Variants in HMGB1 observed in about 807,000 individuals in gnomAD.
HMGB1 encodes high mobility group protein B1.
For missense variants in HMGB1, 79 were observed against 253.5 expected (o/e 0.31, Z 4.67); for synonymous variants, 81 against 84.0 (o/e 0.96, Z 0.19).
rs1456733742 is a variant in HMGB1 at position 30,463,687 on chromosome 13, T to C, written c.-7A>G. ...TAGGATCTCCTTTGCCCATGTTTAGTTATTTTTCTAAAAAATAAAATAAAT... is the reference window on the plus strand; with the variant it reads ...TAGGATCTCCTTTGCCCATGTTTAGCTATTTTTCTAAAAAATAAAATAAAT... On this transcript the variant is annotated 5_prime_UTR_variant, in exon 2 of 5. Coordinates refer to ENST00000341423, the MANE Select transcript of HMGB1 (RefSeq NM_002128.7). The C allele has an allele frequency of 1.3e-6, 2 of 1,538,434 alleles. No individual in the cohort carries two copies. The highest frequency in any genetic ancestry group is 2.0e-5 in the Admixed American group (1 of 49,686).
At chr13:30,531,592 A>T (rs1280879658) in intron 1 of HMGB1, among the ~76,000 whole-genome samples, 1 of 151,462 alleles carries the variant, frequency 6.6e-6, no homozygotes, top group Non-Finnish European at 1.5e-5. Context: ...TATGAAAGTC[A>T]CACATGCTCA....
chr13:30,558,678 T>C (rs373640873), intron 1 of HMGB1, among the ~76,000 whole-genome samples: 9 of 152,194 alleles, frequency 5.9e-5, no homozygotes, highest in African/African-American at 1.9e-4. Context: ...TTCTGACAGA[T>C]AGAATCAAGC....
chr13:30,526,169 G>A (rs1888362317), intron 1 of HMGB1, among the ~76,000 whole-genome samples: 1 of 152,138 alleles, frequency 6.6e-6, no homozygotes. Flanking sequence ...TGATTCTCAC[G>A]CCTCAGTCTC....
chr13:30,522,671 T>C (rs7334511), intron 1 of HMGB1, among the ~76,000 whole-genome samples: 103,165 of 151,708 alleles, frequency 0.68, 35,494 homozygotes, highest in Non-Finnish European at 0.74. Context: ...CTCAGTAAGA[T>C]GGATGTGATA....
chr13:30,616,121 A>G (rs1383309884), intron 1 of HMGB1, among the ~76,000 whole-genome samples: 2 of 152,196 alleles, frequency 1.3e-5, no homozygotes, highest in African/African-American at 4.8e-5. Context: ...TTTCTAGTCA[A>G]TCTCTGCTGA....
intron 1 of HMGB1, among the ~76,000 whole-genome samples, chr13:30,475,008 T>C (rs1467680658): frequency 1.8e-5 from 2 of 110,360 alleles, no homozygotes; most frequent in East Asian, 5.9e-4. Flanking sequence ...TAGGCTGGAG[T>C]GCAGTGATGC....
intron 1 of HMGB1, among the ~76,000 whole-genome samples, chr13:30,603,458 G>A (rs1950423370): frequency 2.0e-5 from 3 of 152,208 alleles, no homozygotes; most frequent in Admixed American, 2.0e-4. Context: ...TTTAGGCATC[G>A]TTTCTTCTGG....
At chr13:30,616,271 T>C (rs1309472351) in intron 1 of HMGB1, among the ~76,000 whole-genome samples, 1 of 152,248 alleles carries the variant, frequency 6.6e-6, no homozygotes, top group African/African-American at 2.4e-5. Flanking sequence ...ATTTTGTTTC[T>C]GTTACTAATT....
intron 1 of HMGB1, 149 bp from the exon 2 acceptor site, chr13:30,463,843 G>GA: frequency 1.7e-6 from 1 of 588,242 alleles, no homozygotes; most frequent in Non-Finnish European, 2.9e-6. Context: ...GAATATGGCC[G>GA]AGAGATTAAA....
At chr13:30,522,362 TTA>T (rs1888258454) in intron 1 of HMGB1, among the ~76,000 whole-genome samples, 1 of 152,130 alleles carries the variant, frequency 6.6e-6, no homozygotes, top group Non-Finnish European at 1.5e-5. Flanking sequence ...TCTCAGCCTC[TTA>T]AAGTGTTGGG....
rs192204422 is a variant in HMGB1 at position 30,573,293 on chromosome 13, C to T, written c.-15+43378G>A. Among the ~76,000 whole-genome samples the T allele has an allele frequency of 2.1e-3, 313 of 152,236 alleles. 1 individual carries two copies. The highest frequency in any genetic ancestry group is 2.9e-3 in the Non-Finnish European group (197 of 68,016). On this transcript the variant is annotated intron_variant, in intron 1 of 4. Transcript: ENST00000405805. ...AAGGACAAATTGACAGAAACACATT[C>T]TTAGAAGGACAGTATCATTTAAAAT... is the stretch of plus-strand genomic sequence containing the variant.
At chr13:30,613,768 G>A (rs1459672312) in intron 1 of HMGB1, among the ~76,000 whole-genome samples, 7 of 152,080 alleles carry the variant, frequency 4.6e-5, no homozygotes. Flanking sequence ...CTGGCATGGA[G>A]AACACATAAG....
At chr13:30,552,528 C>T (rs1869474888) in intron 1 of HMGB1, among the ~76,000 whole-genome samples, 1 of 152,192 alleles carries the variant, frequency 6.6e-6, no homozygotes, top group Non-Finnish European at 1.5e-5. Flanking sequence ...ACACAGAATA[C>T]ACTGGGTATC....
intron 1 of HMGB1, among the ~76,000 whole-genome samples, chr13:30,545,674 C>A (rs1202598156): frequency 6.6e-6 from 1 of 152,104 alleles, no homozygotes; most frequent in Non-Finnish European, 1.5e-5. Flanking sequence ...GTCACACTGG[C>A]CATATTTCAT....
chr13:30,560,289 T>C (rs759043598), intron 1 of HMGB1, among the ~76,000 whole-genome samples: 7 of 152,198 alleles, frequency 4.6e-5, no homozygotes, highest in Non-Finnish European at 7.3e-5. Context: ...GTCAGCAGTG[T>C]CTAATGCCAC....
At chr13:30,586,470 G>GTTTTT (rs1228323938) in intron 1 of HMGB1, among the ~76,000 whole-genome samples, 10 of 123,268 alleles carry the variant, frequency 8.1e-5, no homozygotes, top group Admixed American at 1.9e-4. Flanking sequence ...GAAATCACTG[G>GTTTTT]TTTTTTTTGT....
chr13:30,463,940 A>G, intron 1 of HMGB1: 1 of 391,414 alleles, frequency 2.6e-6, no homozygotes, highest in Non-Finnish European at 4.2e-6. Flanking sequence ...ACAAAGATAT[A>G]CCCATACAGT....
At position 30,457,973 on chromosome 13, in the gene HMGB1, C is replaced by G. The variant is rs1489378744; in HGVS notation, c.*3384G>C. The G allele has an allele frequency of 6.6e-6, 1 of 152,136 alleles. No individual in the cohort carries two copies. The highest frequency in any genetic ancestry group is 2.4e-5 in the African/African-American group (1 of 41,416). The allele number at this position is 152,136 out of a possible 1,614,324, so 9.4% of individuals were successfully genotyped here. The stretch of plus-strand genomic sequence containing the variant: ...CATTTCAAGGGTCATTTGAAAATGA[C>G]ACAAAGCACAAATATGAAAAGAAAT... On this transcript the variant is annotated 3_prime_UTR_variant, in exon 5 of 5. Transcript: ENST00000341423.
intron 1 of HMGB1, among the ~76,000 whole-genome samples, chr13:30,479,719 G>T (rs1271637956): frequency 6.6e-6 from 1 of 152,110 alleles, no homozygotes; most frequent in Non-Finnish European, 1.5e-5. Context: ...ATAAAATGAT[G>T]ATATCACCTT....
Sources: gnomAD v4.1 joint callset for allele counts (sites outside exome capture counted in the v4.1 genomes callset) on GRCh38, gnomAD v4.1.1 for gene constraint, MANE v1.5 for transcripts, NCBI Gene and HGNC (gene_info 2026-07-23, HGNC 2026-07-21) for gene names.